The following DDX4 variants were observed in gnomAD, a reference collection of about 807,000 sequenced individuals.
The protein encoded by DDX4 is probable ATP-dependent RNA helicase DDX4.
Under a neutral mutation model 100.0 loss-of-function variants are expected in DDX4, and 25 were observed. The ratio of observed to expected loss-of-function variants is 0.25; its 90% confidence interval spans 0.18 to 0.35. DDX4 has a LOEUF of 0.35. Among genes scored for constraint, DDX4 ranks in the 10% least tolerant of loss-of-function variants. The pLI is 1.00. For missense variants in DDX4, 635 were observed against 882.4 expected (o/e 0.72, Z 3.55); for synonymous variants, 259 against 275.7 (o/e 0.94, Z 0.60).
At chr5:55,782,598 T>G (rs1741989351) in intron 10 of DDX4, among the ~76,000 whole-genome samples, 1 of 151,706 alleles carries the variant, frequency 6.6e-6, no homozygotes, top group Admixed American at 6.6e-5. Flanking sequence ...CTGTCACCAG[T>G]TTTTTGTTTG....
intron 3 of DDX4, among the ~76,000 whole-genome samples, chr5:55,753,228 C>T (rs28829305): frequency 8.1e-4 from 122 of 151,094 alleles, no homozygotes; most frequent in African/African-American, 2.9e-3. Context: ...GTTGCCATTG[C>T]CCTATGAAGT....
rs565300779 is a variant in DDX4 at position 55,746,955 on chromosome 5, C to T, written c.127+734C>T. 1.2e-4 allele frequency among the ~76,000 whole-genome samples: 19 copies of T among 152,260 alleles called. No homozygotes were observed. In the South Asian group the frequency reaches 2.7e-3, roughly 22 times the overall value. ...GTTACTATATTAAAATAATTTTGAC[C>T]GGACTCTGGCTCATGCCTGTAATCC... On this transcript the variant is annotated intron_variant, in intron 3 of 21. Coordinates refer to ENST00000505374, the MANE Select transcript of DDX4 (RefSeq NM_024415.3).
At chr5:55,749,909 A>T (rs1759450260) in intron 3 of DDX4, among the ~76,000 whole-genome samples, 1 of 151,394 alleles carries the variant, frequency 6.6e-6, no homozygotes, top group Admixed American at 6.6e-5. Context: ...ACTAGGCAGA[A>T]ATTGCTTTAC....
intron 15 of DDX4, among the ~76,000 whole-genome samples, chr5:55,789,309 A>T (rs1307423604): frequency 6.6e-6 from 1 of 152,184 alleles, no homozygotes; most frequent in Non-Finnish European, 1.5e-5. Flanking sequence ...TTGGGGGCTT[A>T]GGAATTGGGG....
chr5:55,788,833 A>G lies in DDX4; in HGVS notation c.1172+833A>G, dbSNP rs893217804. ...GTAATCCTAGCACTTTGGGAGGCCA[A>G]GATGGGCAGATAGCTTGAGCCCAGG... is the stretch of plus-strand genomic sequence containing the variant. On this transcript the variant is annotated intron_variant, in intron 15 of 21. Transcript: ENST00000505374. 2.6e-5 allele frequency among the ~76,000 whole-genome samples: 4 copies of G among 152,294 alleles called. 1 individual carries two copies. The highest frequency in any genetic ancestry group is 2.9e-5 in the Non-Finnish European group (2 of 68,024).
At chr5:55,769,044 A>G (rs1741104452) in intron 7 of DDX4, among the ~76,000 whole-genome samples, 1 of 152,110 alleles carries the variant, frequency 6.6e-6, no homozygotes, top group East Asian at 1.9e-4. Context: ...ATAGTTTGCA[A>G]ATATTTTCTC....
rs894577316 is a variant in DDX4 at position 55,781,059 on chromosome 5, A to C, written c.497-7A>C. 2 of 1,594,844 alleles carry C rather than the reference A, an allele frequency of 1.3e-6. No individual in the cohort carries two copies. Among genetic ancestry groups the C allele is most frequent in the Non-Finnish European group, 1.7e-6 (2 of 1,174,862 alleles). ...ATGTAATCTAATTTTACTTTCTGCA[A>C]ATCAAGATAATGACTTAGACCCAGA... is the stretch of plus-strand genomic sequence containing the variant. On this transcript the variant is annotated splice_polypyrimidine_tract_variant and splice_region_variant and intron_variant, in intron 8 of 21. Transcript: ENST00000505374.
chr5:55,768,961 C>T (rs544153432), intron 7 of DDX4, among the ~76,000 whole-genome samples: 15 of 152,140 alleles, frequency 9.9e-5, no homozygotes, highest in East Asian at 3.9e-4. Context: ...CACTTTTTAA[C>T]GGAGTTGTTT....
At chr5:55,752,377 C>T (rs1465280623) in intron 3 of DDX4, among the ~76,000 whole-genome samples, 1 of 140,050 alleles carries the variant, frequency 7.1e-6, no homozygotes, top group Admixed American at 7.7e-5. Flanking sequence ...TATTCCCCTT[C>T]CTCTGTCCAT....
At chr5:55,772,017 G>A (rs576103195) in intron 7 of DDX4, among the ~76,000 whole-genome samples, 77 of 152,234 alleles carry the variant, frequency 5.1e-4, no homozygotes, top group Non-Finnish European at 9.3e-4. Flanking sequence ...TCAGGAGTTC[G>A]AGACCAGCCT....
rs751662217 is a variant in DDX4 at position 55,765,612 on chromosome 5, A to G, written c.334+1548A>G. Among the ~76,000 whole-genome samples, 181 of 152,006 alleles carry G rather than the reference A, an allele frequency of 1.2e-3. 2 individuals are homozygous for G. The highest frequency in any genetic ancestry group is 4.9e-4 in the Non-Finnish European group (33 of 67,956). On this transcript the variant is annotated intron_variant, in intron 6 of 21. Transcript: ENST00000505374. ...TAAGGAACTCAGATACTGGATTTGA[A>G]CACGTAGGTGTGAGACTCAGATCCT...
intron 3 of DDX4, among the ~76,000 whole-genome samples, chr5:55,753,717 T>C (rs1759730199): frequency 7.4e-6 from 1 of 135,594 alleles, no homozygotes; most frequent in African/African-American, 2.8e-5. Context: ...AGAAAGTCAT[T>C]GGTAGCTTGA....
chr5:55,744,204 C>G (rs1230660966), intron 2 of DDX4, among the ~76,000 whole-genome samples: 1 of 152,040 alleles, frequency 6.6e-6, no homozygotes. Context: ...GAAATTTTAG[C>G]AAATAGATGT....
At chr5:55,765,415 T>A (rs796636361) in intron 6 of DDX4, among the ~76,000 whole-genome samples, 2,805 of 99,268 alleles carry the variant, frequency 0.028, 24 homozygotes, top group African/African-American at 0.043. Flanking sequence ...AAAAAAAAAA[T>A]ATATATATAT....
At chr5:55,744,291 G>A (rs1431752717) in intron 2 of DDX4, among the ~76,000 whole-genome samples, 1 of 152,182 alleles carries the variant, frequency 6.6e-6, no homozygotes, top group African/African-American at 2.4e-5. Flanking sequence ...AAGGAACATT[G>A]TAACTGTTGT....
intron 3 of DDX4, among the ~76,000 whole-genome samples, chr5:55,757,568 C>G (rs1760017499): frequency 6.6e-6 from 1 of 152,104 alleles, no homozygotes; most frequent in Non-Finnish European, 1.5e-5. Flanking sequence ...CATGCGTTTG[C>G]AAGTATCTTT....
In DDX4 at chr5:55,783,633, AGATGGATGGATGGATG is replaced by A. The variant is rs59794903; in HGVS notation, c.626-1635_626-1620del. Among the ~76,000 whole-genome samples the A allele has an allele frequency of 4.0e-3, 582 of 146,750 alleles. 3 individuals carry two copies. The highest frequency in any genetic ancestry group is 0.014 in the African/African-American group (545 of 39,606). On this transcript the variant is annotated intron_variant, in intron 10 of 21. Transcript: ENST00000505374. ...GACAGACCAAAAGGAAGGAGGGAGG[AGATGGATGGATGGATG>A]GATGGATGGATGGATGGATGGATGG... is the stretch of plus-strand genomic sequence containing the variant.
chr5:55,794,083 T>C (rs775022229), intron 17 of DDX4, among the ~76,000 whole-genome samples: 41 of 152,144 alleles, frequency 2.7e-4, no homozygotes, highest in Non-Finnish European at 5.1e-4. Flanking sequence ...TGGGGGAAAA[T>C]AGAACTCATA....
intron 18 of DDX4, among the ~76,000 whole-genome samples, chr5:55,808,235 G>T (rs1397949251): frequency 6.6e-6 from 1 of 151,912 alleles, no homozygotes; most frequent in African/African-American, 2.4e-5. Context: ...TTTTTTCAAG[G>T]TTTTTAACTT....
Sources: gnomAD v4.1 joint callset for allele counts (sites outside exome capture counted in the v4.1 genomes callset) on GRCh38, gnomAD v4.1.1 for gene constraint, MANE v1.5 for transcripts, NCBI Gene and HGNC (gene_info 2026-07-23, HGNC 2026-07-21) for gene names.